The following ROBO2 variants were observed in gnomAD, a reference collection of about 807,000 sequenced individuals.
ROBO2 encodes the protein roundabout guidance receptor 2, also known as roundabout homolog 2.
Under a neutral mutation model 160.8 loss-of-function variants are expected in ROBO2, and 53 were observed. The observed-to-expected ratio is 0.33, with a 90% CI of 0.26 to 0.41. ROBO2 has a LOEUF of 0.41. ROBO2 is among the 10% of genes least tolerant of loss of function. The pLI is 1.00. For synonymous variants in ROBO2, 664 were observed against 611.7 expected, an observed-to-expected ratio of 1.09 and a Z score of -1.26; for missense variants, 1,577 against 1,722.4, an observed-to-expected ratio of 0.92 and a Z score of 1.49.
chr3:77,132,740 T>G (rs1341134453), intron 2 of ROBO2, among the ~76,000 whole-genome samples: 1 of 151,926 alleles, frequency 6.6e-6, no homozygotes, highest in Non-Finnish European at 1.5e-5. Flanking sequence ...CTCTAGAGTG[T>G]GAAAATGTCT....
At chr3:76,180,474 T>G (rs977492321) in intron 2 of ROBO2, among the ~76,000 whole-genome samples, 22 of 152,134 alleles carry the variant, frequency 1.4e-4, no homozygotes, top group Admixed American at 1.3e-3. Context: ...CTTCACCATC[T>G]AATTAAATGG....
intron 2 of ROBO2, among the ~76,000 whole-genome samples, chr3:77,427,761 C>T (rs1193081872): frequency 6.6e-6 from 1 of 152,184 alleles, no homozygotes; most frequent in Non-Finnish European, 1.5e-5. Flanking sequence ...ATTTAGTCAG[C>T]TTCATTGTGT....
At chr3:76,985,953 A>G (rs2060358158) in intron 2 of ROBO2, among the ~76,000 whole-genome samples, 4 of 152,316 alleles carry the variant, frequency 2.6e-5, no homozygotes, top group Admixed American at 2.6e-4. Context: ...CCCTTTCTTA[A>G]TAAAATTTTT....
At chr3:76,145,121 T>A (rs2071836412) in intron 2 of ROBO2, among the ~76,000 whole-genome samples, 8 of 151,954 alleles carry the variant, frequency 5.3e-5, no homozygotes, top group Admixed American at 5.3e-4. Flanking sequence ...AAAAAACGCT[T>A]TGAAATCACA....
At chr3:77,346,286 T>C (rs2067622375) in intron 2 of ROBO2, among the ~76,000 whole-genome samples, 1 of 152,150 alleles carries the variant, frequency 6.6e-6, no homozygotes, top group African/African-American at 2.4e-5. Context: ...TTAAGCTAAA[T>C]GTACATTTAA....
At chr3:76,750,588 CTT>C (rs2093968004) in intron 2 of ROBO2, among the ~76,000 whole-genome samples, 2 of 152,138 alleles carry the variant, frequency 1.3e-5, no homozygotes, top group South Asian at 4.1e-4. Flanking sequence ...TGATAAGCAA[CTT>C]CAGCAAAGTC....
At chr3:77,000,068 C>G (rs750724128) in intron 2 of ROBO2, among the ~76,000 whole-genome samples, 1 of 152,068 alleles carries the variant, frequency 6.6e-6, no homozygotes, top group Non-Finnish European at 1.5e-5. Context: ...TACACTTCAA[C>G]CTGAGTCGAG....
intron 5 of ROBO2, among the ~76,000 whole-genome samples, chr3:77,520,075 T>C (rs2090440592): frequency 6.6e-6 from 1 of 151,320 alleles, no homozygotes; most frequent in African/African-American, 2.4e-5. Flanking sequence ...GAGATCACTT[T>C]TACATTTTAT....
intron 2 of ROBO2, among the ~76,000 whole-genome samples, chr3:77,476,368 A>ATGTG (rs60219148): frequency 0.011 from 1,605 of 144,192 alleles, 9 homozygotes; most frequent in Non-Finnish European, 0.014. Context: ...GTCTGTGGGT[A>ATGTG]TGTGTGTGTG....
chr3:76,558,547 T>C (rs550065188), intron 2 of ROBO2, among the ~76,000 whole-genome samples: 1 of 152,244 alleles, frequency 6.6e-6, no homozygotes, highest in African/African-American at 2.4e-5. Flanking sequence ...TTTTCCATCT[T>C]CTGAAAAATT....
At chr3:76,988,307 C>A (rs563827246) in intron 2 of ROBO2, among the ~76,000 whole-genome samples, 73 of 152,146 alleles carry the variant, frequency 4.8e-4, no homozygotes, top group Admixed American at 9.8e-4. Flanking sequence ...TGGATGGTTG[C>A]CAAAAACCCT....
chr3:77,551,904 T>A (rs1003615597), intron 8 of ROBO2, among the ~76,000 whole-genome samples: 1 of 152,000 alleles, frequency 6.6e-6, no homozygotes, highest in African/African-American at 2.4e-5. Context: ...TTTTTTAATA[T>A]CTGTTCATGG....
At chr3:76,871,325 C>T (rs1181254226) in intron 2 of ROBO2, among the ~76,000 whole-genome samples, 3 of 151,908 alleles carry the variant, frequency 2.0e-5, no homozygotes, top group African/African-American at 4.8e-5. Context: ...GAGGCCGAGG[C>T]AGGCGGATCA....
intron 2 of ROBO2, among the ~76,000 whole-genome samples, chr3:76,979,831 T>C (rs1229682083): frequency 1.3e-5 from 2 of 152,110 alleles, no homozygotes; most frequent in African/African-American, 4.8e-5. Context: ...TTTTCTTTTA[T>C]TGAGTGTAAA....
chr3:77,499,651 CTTT>C (rs548250821), intron 5 of ROBO2, among the ~76,000 whole-genome samples: 36 of 135,848 alleles, frequency 2.7e-4, no homozygotes, highest in East Asian at 4.2e-4. Flanking sequence ...ATCACTTACG[CTTT>C]TTTTTTTTTT....
chr3:76,870,405 A>G (rs575108434), intron 2 of ROBO2, among the ~76,000 whole-genome samples: 1 of 152,168 alleles, frequency 6.6e-6, no homozygotes, highest in African/African-American at 2.4e-5. Flanking sequence ...CTACTTTTAT[A>G]AGTTTCCCCA....
chr3:76,620,383 C>G (rs533703831), intron 2 of ROBO2, among the ~76,000 whole-genome samples: 4 of 151,980 alleles, frequency 2.6e-5, no homozygotes, highest in African/African-American at 9.6e-5. Context: ...CTATGGATAA[C>G]GAAAAATCAT....
chr3:76,048,037 G>GTCTGAATA (rs1377608888), intron 2 of ROBO2, among the ~76,000 whole-genome samples: 1 of 152,138 alleles, frequency 6.6e-6, no homozygotes, highest in African/African-American at 2.4e-5. Context: ...TTTATTGAAT[G>GTCTGAATA]TCTGCTTGAT....
At chr3:76,381,540 G>A (rs1005410772) in intron 2 of ROBO2, among the ~76,000 whole-genome samples, 1 of 151,916 alleles carries the variant, frequency 6.6e-6, no homozygotes, top group African/African-American at 2.4e-5. Flanking sequence ...TAATAGAGAT[G>A]GGGTTTCACC....
Sources: gnomAD v4.1 joint callset for allele counts (sites outside exome capture counted in the v4.1 genomes callset) on GRCh38, gnomAD v4.1.1 for gene constraint, MANE v1.5 for transcripts, NCBI Gene and HGNC (gene_info 2026-07-23, HGNC 2026-07-21) for gene names.